Variants in MIPOL1 observed in about 807,000 individuals in gnomAD.
MIPOL1 encodes mirror-image polydactyly gene 1 protein.
A neutral mutation model predicts 60.9 loss-of-function variants in MIPOL1; 57 were observed. That is an observed-to-expected ratio of 0.94 (90% CI 0.76 to 1.17). The LOEUF is 1.17. Among genes scored for constraint, MIPOL1 ranks in the 50% most tolerant of loss-of-function variants. The pLI is 0.00. For synonymous variants in MIPOL1, 179 were observed against 168.8 expected (o/e 1.06, Z -0.47); for missense variants, 551 against 511.6 (o/e 1.08, Z -0.74).
chr14:37,215,642 A>G (rs1967518838), intron 1 of MIPOL1, among the ~76,000 whole-genome samples: 1 of 152,164 alleles, frequency 6.6e-6, no homozygotes, highest in Admixed American at 6.5e-5. Flanking sequence ...CTCATCAATA[A>G]CAATGTTGAA....
chr14:37,393,484 C>A (rs1340243798), intron 10 of MIPOL1, among the ~76,000 whole-genome samples: 2 of 151,158 alleles, frequency 1.3e-5, no homozygotes, highest in Admixed American at 6.6e-5. Context: ...ATACTTGTTG[C>A]AACATACATA....
chr14:37,381,761 T>A (rs991071113), intron 10 of MIPOL1, among the ~76,000 whole-genome samples: 3 of 151,596 alleles, frequency 2.0e-5, no homozygotes, highest in South Asian at 2.1e-4. Context: ...TTTTTTTTTT[T>A]TTATTTTTAG....
chr14:37,457,522 C>T, intron 11 of MIPOL1, among the ~76,000 whole-genome samples: 1 of 152,106 alleles, frequency 6.6e-6, no homozygotes, highest in South Asian at 2.1e-4. Flanking sequence ...CCTCACTCAC[C>T]TTACTCTACA....
chr14:37,221,717 T>C (rs1229345631), intron 1 of MIPOL1, among the ~76,000 whole-genome samples: 1 of 152,186 alleles, frequency 6.6e-6, no homozygotes, highest in Non-Finnish European at 1.5e-5. Context: ...GGAAGTCTGC[T>C]TCCATGAACT....
At chr14:37,502,834 G>A (rs1261580717) in intron 12 of MIPOL1, 2 of 152,146 alleles carry the variant, frequency 1.3e-5, no homozygotes, top group Admixed American at 6.5e-5. Flanking sequence ...TGAGCTAAAG[G>A]AGCATGTTCA....
intron 10 of MIPOL1, among the ~76,000 whole-genome samples, chr14:37,379,972 T>C (rs1367047993): frequency 6.6e-6 from 1 of 152,058 alleles, no homozygotes; most frequent in African/African-American, 2.4e-5. Flanking sequence ...AGCCACCTAA[T>C]GACCTTGAGC....
At chr14:37,364,232 C>T (rs1044515421) in intron 9 of MIPOL1, among the ~76,000 whole-genome samples, 1 of 152,192 alleles carries the variant, frequency 6.6e-6, no homozygotes, top group Non-Finnish European at 1.5e-5. Flanking sequence ...ACACTTGGAT[C>T]TGCAGACTGG....
chr14:37,261,144 G>A (rs914925872), intron 3 of MIPOL1, among the ~76,000 whole-genome samples: 1 of 151,788 alleles, frequency 6.6e-6, no homozygotes, highest in African/African-American at 2.4e-5. Flanking sequence ...ACCATCTTAA[G>A]TATTTTCTCT....
chr14:37,464,418 T>C (rs554126549), intron 11 of MIPOL1, among the ~76,000 whole-genome samples: 1 of 152,278 alleles, frequency 6.6e-6, no homozygotes, highest in Non-Finnish European at 1.5e-5. Flanking sequence ...AATGAAAATA[T>C]GTCATTTGGA....
intron 10 of MIPOL1, chr14:37,400,095 G>T (rs1472387387): frequency 6.6e-6 from 1 of 152,084 alleles, no homozygotes; most frequent in Non-Finnish European, 1.5e-5. Flanking sequence ...AGAGTCAGAG[G>T]ACAGTAATCT....
chr14:37,348,828 G>T (rs1240451001), intron 9 of MIPOL1, among the ~76,000 whole-genome samples: 38 of 113,056 alleles, frequency 3.4e-4, no homozygotes, highest in African/African-American at 4.7e-4. Context: ...TCCTTTTTTT[G>T]TTTTTTTTTT....
At chr14:37,422,723 GAC>G in intron 10 of MIPOL1, 130 bp from the exon 11 acceptor site, 1 of 598,922 alleles carries the variant, frequency 1.7e-6, no homozygotes, top group Non-Finnish European at 3.0e-6. Flanking sequence ...TAACTTATGA[GAC>G]ACTGCTAAAA....
intron 10 of MIPOL1, among the ~76,000 whole-genome samples, chr14:37,406,734 A>C (rs1191290506): frequency 3.3e-5 from 5 of 152,258 alleles, no homozygotes; most frequent in South Asian, 4.1e-4. Flanking sequence ...GGTAGATGAA[A>C]ATTCAATAAT....
chr14:37,330,410 A>G (rs1430447901), intron 9 of MIPOL1, among the ~76,000 whole-genome samples: 2 of 152,154 alleles, frequency 1.3e-5, no homozygotes, highest in Non-Finnish European at 2.9e-5. Context: ...AAGCTAGGAA[A>G]ATACCAACAT....
At chr14:37,286,071 A>T (rs2084539480) in intron 7 of MIPOL1, among the ~76,000 whole-genome samples, 1 of 152,004 alleles carries the variant, frequency 6.6e-6, no homozygotes, top group African/African-American at 2.4e-5. Context: ...TCTTCTCCTC[A>T]TTATCACTTT....
intron 9 of MIPOL1, among the ~76,000 whole-genome samples, chr14:37,350,795 T>C (rs1002027418): frequency 6.6e-6 from 1 of 152,162 alleles, no homozygotes; most frequent in Non-Finnish European, 1.5e-5. Flanking sequence ...ATTGTTTTGA[T>C]TTTTAGATCC....
rs187416646 is a variant in MIPOL1 at position 37,482,584 on chromosome 14, G to C, written c.1032-17324G>C. Among the ~76,000 whole-genome samples the C allele has an allele frequency of 2.5e-3, 384 of 152,268 alleles. 2 individuals are homozygous for C. Among genetic ancestry groups the C allele is most frequent in the East Asian group, 3.7e-3 (19 of 5,162 alleles). Reference sequence around the variant, plus strand: ...ATGGTGGCAGGAGAGAGAAGTGCAAGCAGGGGAAATTCCAGACACTTATAA... The same window carrying C: ...ATGGTGGCAGGAGAGAGAAGTGCAACCAGGGGAAATTCCAGACACTTATAA... On this transcript the variant is annotated intron_variant, in intron 11 of 12. Coordinates refer to ENST00000684589, the MANE Select transcript of MIPOL1 (RefSeq NM_001388067.1).
intron 9 of MIPOL1, among the ~76,000 whole-genome samples, chr14:37,311,598 CTT>C (rs745324011): frequency 5.3e-5 from 8 of 151,902 alleles, no homozygotes; most frequent in East Asian, 3.9e-4. Flanking sequence ...GAATTATTGT[CTT>C]ATATTTCTGA....
chr14:37,489,605 A>T (rs1196633534), intron 11 of MIPOL1, among the ~76,000 whole-genome samples: 2 of 151,938 alleles, frequency 1.3e-5, no homozygotes, highest in African/African-American at 4.8e-5. Flanking sequence ...TTGGTCTTTC[A>T]TGTTGGTGAC....
Sources: gnomAD v4.1 joint callset for allele counts (sites outside exome capture counted in the v4.1 genomes callset) on GRCh38, gnomAD v4.1.1 for gene constraint, MANE v1.5 for transcripts, NCBI Gene and HGNC (gene_info 2026-07-23, HGNC 2026-07-21) for gene names.